The following GALNT7 variants were observed in gnomAD, a reference collection of about 807,000 sequenced individuals.
The protein encoded by GALNT7 is N-acetylgalactosaminyltransferase 7.
GALNT7 carries 60 observed loss-of-function variants against 82.1 expected under a neutral mutation model. The observed-to-expected ratio is 0.73, with a 90% CI of 0.59 to 0.91. The LOEUF (loss-of-function observed/expected upper bound fraction) is 0.91, where lower values mean the gene tolerates loss of function less well. GALNT7 is among the 40% of genes least tolerant of loss of function. The probability of loss-of-function intolerance (pLI) is 0.00; values close to 1 mark genes in which losing one functional copy is unlikely to be tolerated. For synonymous variants in GALNT7, 243 were observed against 275.1 expected (o/e 0.88, Z 1.15); for missense variants, 660 against 804.2 (o/e 0.82, Z 2.17).
chr4:173,290,213 C>A (rs556568030), intron 2 of GALNT7, among the ~76,000 whole-genome samples: 1 of 151,920 alleles, frequency 6.6e-6, no homozygotes, highest in Non-Finnish European at 1.5e-5. Context: ...ACAGAAATGC[C>A]CATCAATAAG....
At chr4:173,243,571 G>A (rs1460879465) in intron 1 of GALNT7, among the ~76,000 whole-genome samples, 3 of 152,262 alleles carry the variant, frequency 2.0e-5, no homozygotes, top group African/African-American at 7.2e-5. Flanking sequence ...CTCCTCAGGG[G>A]AGTAAAGTAT....
intron 2 of GALNT7, among the ~76,000 whole-genome samples, chr4:173,260,232 A>G (rs1735210589): frequency 6.6e-6 from 1 of 152,206 alleles, no homozygotes; most frequent in African/African-American, 2.4e-5. Context: ...CCATAGGCAA[A>G]TTGATATTGT....
At chr4:173,267,133 A>G (rs753330697) in intron 2 of GALNT7, among the ~76,000 whole-genome samples, 42 of 152,264 alleles carry the variant, frequency 2.8e-4, no homozygotes, top group Non-Finnish European at 5.1e-4. Flanking sequence ...TGCATATCCT[A>G]AATACCCTGC....
chr4:173,210,640 C>A (rs1733250110), intron 1 of GALNT7, among the ~76,000 whole-genome samples: 1 of 152,004 alleles, frequency 6.6e-6, no homozygotes, highest in South Asian at 2.1e-4. Flanking sequence ...ACCACGTTGC[C>A]CAAGCTGGTC....
chr4:173,178,645 T>C (rs1199665331), intron 1 of GALNT7, among the ~76,000 whole-genome samples: 1 of 152,226 alleles, frequency 6.6e-6, no homozygotes, highest in Non-Finnish European at 1.5e-5. Flanking sequence ...CAGGGAGACC[T>C]GATTCACTTC....
Position 173,211,299 on chromosome 4 carries a change from C to T in GALNT7, c.127-36681C>T, listed in dbSNP as rs114006834. Among the ~76,000 whole-genome samples, 445 of 152,314 alleles carry T rather than the reference C, an allele frequency of 2.9e-3. 3 individuals are homozygous for T. Among genetic ancestry groups the T allele is most frequent in the African/African-American group, 0.01 (428 of 41,568 alleles). The stretch of plus-strand genomic sequence containing the variant: ...ACTAGATCTGTTAAGGTAAAAATCT[C>T]TGCTCTGTGTGAGCCTGGGCATGTG... On this transcript the variant is annotated intron_variant, in intron 1 of 11. Coordinates refer to ENST00000265000, the MANE Select transcript of GALNT7 (RefSeq NM_017423.3).
At chr4:173,222,129 G>A (rs144788621) in intron 1 of GALNT7, among the ~76,000 whole-genome samples, 59 of 152,284 alleles carry the variant, frequency 3.9e-4, no homozygotes, top group African/African-American at 9.4e-4. Flanking sequence ...TGGTATCAGC[G>A]CGTGCTTGGC....
At chr4:173,280,921 A>G (rs1736088485) in intron 2 of GALNT7, among the ~76,000 whole-genome samples, 1 of 152,172 alleles carries the variant, frequency 6.6e-6, no homozygotes, top group Non-Finnish European at 1.5e-5. Flanking sequence ...AAAGAGCTAA[A>G]CTTTAAGATC....
At chr4:173,294,842 AG>A (rs1396386183) in intron 3 of GALNT7, among the ~76,000 whole-genome samples, 1 of 152,202 alleles carries the variant, frequency 6.6e-6, no homozygotes, top group Non-Finnish European at 1.5e-5. Context: ...CTTAAGATAA[AG>A]AGAAAATGAG....
intron 1 of GALNT7, among the ~76,000 whole-genome samples, chr4:173,235,177 C>T (rs1734175100): frequency 6.6e-6 from 1 of 152,130 alleles, no homozygotes; most frequent in African/African-American, 2.4e-5. Context: ...TGGCCTGTTT[C>T]CAGGTCTGTT....
intron 2 of GALNT7, among the ~76,000 whole-genome samples, chr4:173,263,327 C>G (rs887440190): frequency 1.2e-4 from 18 of 152,154 alleles, no homozygotes; most frequent in Non-Finnish European, 4.4e-5. Context: ...AAAATTTAAT[C>G]TCTTATACTT....
At chr4:173,279,965 C>T (rs1234765472) in intron 2 of GALNT7, among the ~76,000 whole-genome samples, 2 of 151,652 alleles carry the variant, frequency 1.3e-5, no homozygotes, top group African/African-American at 4.9e-5. Context: ...TAGAGCGAGA[C>T]TCTGTCTCAA....
chr4:173,213,127 A>G (rs1171600988), intron 1 of GALNT7, among the ~76,000 whole-genome samples: 1 of 152,184 alleles, frequency 6.6e-6, no homozygotes, highest in Non-Finnish European at 1.5e-5. Context: ...GAGATGATAA[A>G]TAGAAAACCC....
At chr4:173,202,707 A>G (rs974654101) in intron 1 of GALNT7, among the ~76,000 whole-genome samples, 26 of 152,336 alleles carry the variant, frequency 1.7e-4, no homozygotes, top group South Asian at 2.1e-4. Flanking sequence ...AATAAAAGCT[A>G]TCATTTTTCT....
At chr4:173,176,852 G>GCCCA (rs1401847683) in intron 1 of GALNT7, among the ~76,000 whole-genome samples, 4 of 152,180 alleles carry the variant, frequency 2.6e-5, no homozygotes, top group Non-Finnish European at 5.9e-5. Context: ...GACTTTGAAT[G>GCCCA]GTCAGAGCTG....
intron 1 of GALNT7, among the ~76,000 whole-genome samples, chr4:173,187,624 A>C (rs997237541): frequency 6.6e-6 from 1 of 152,244 alleles, no homozygotes; most frequent in Admixed American, 6.5e-5. Flanking sequence ...TTGTTTCACT[A>C]TCTCTTCCCT....
chr4:173,297,622 T>TA (rs1736764842), intron 5 of GALNT7, among the ~76,000 whole-genome samples: 1 of 152,232 alleles, frequency 6.6e-6, no homozygotes, highest in Admixed American at 6.5e-5. Context: ...CTCCTGCCCT[T>TA]ACGTAAACAG....
chr4:173,198,150 T>C (rs1422345792), intron 1 of GALNT7, among the ~76,000 whole-genome samples: 2 of 150,916 alleles, frequency 1.3e-5, no homozygotes, highest in Non-Finnish European at 3.0e-5. Flanking sequence ...AGCTCCACCT[T>C]CCGGGTTCAC....
intron 1 of GALNT7, among the ~76,000 whole-genome samples, chr4:173,231,639 G>A (rs910279285): frequency 6.6e-6 from 1 of 152,192 alleles, no homozygotes; most frequent in African/African-American, 2.4e-5. Flanking sequence ...CATACTTAAC[G>A]GTGTCTAGTA....
Sources: gnomAD v4.1 joint callset for allele counts (sites outside exome capture counted in the v4.1 genomes callset) on GRCh38, gnomAD v4.1.1 for gene constraint, MANE v1.5 for transcripts, NCBI Gene and HGNC (gene_info 2026-07-23, HGNC 2026-07-21) for gene names.